The following AVL9 variants were observed in gnomAD, a reference collection of about 807,000 sequenced individuals.
AVL9 encodes AVL9 cell migration associated.
In AVL9, 49 loss-of-function variants were observed where a neutral mutation model predicts 79.2. That is an observed-to-expected ratio of 0.62 (90% CI 0.49 to 0.79). The LOEUF (loss-of-function observed/expected upper bound fraction) is 0.79. Ranked by LOEUF, AVL9 falls within the 30% of genes least tolerant of loss-of-function variation. AVL9 has a pLI of 0.00. For synonymous variants in AVL9, 299 were observed against 280.6 expected (o/e 1.07, Z -0.65); for missense variants, 682 against 776.8 (o/e 0.88, Z 1.45).
intron 1 of AVL9, among the ~76,000 whole-genome samples, chr7:32,496,870 A>G (rs550626515): frequency 1.1e-4 from 17 of 152,374 alleles, no homozygotes; most frequent in African/African-American, 4.1e-4. Flanking sequence ...AGAGACTGAT[A>G]TGAAAGGCTC....
intron 1 of AVL9, among the ~76,000 whole-genome samples, chr7:32,540,874 T>C (rs1448440070): frequency 7.0e-4 from 2 of 2,844 alleles, no homozygotes; most frequent in Non-Finnish European, 1.8e-3. Flanking sequence ...TGTACTACTT[T>C]TTTTTTTTTT....
At chr7:32,563,154 C>T (rs1396011473) in intron 10 of AVL9, among the ~76,000 whole-genome samples, 1 of 152,068 alleles carries the variant, frequency 6.6e-6, no homozygotes, top group East Asian at 1.9e-4. Flanking sequence ...GCCTCAGCCT[C>T]CCTAGTAGCT....
rs200639479 is a variant in AVL9 at position 32,566,180 on chromosome 7, A to ATTTTTTTTTTTTTT, written c.1216-3828_1216-3827insTTTTTTTTTTTTTT. On this transcript the variant is annotated intron_variant, in intron 10 of 15. Transcript: ENST00000318709. ...TAAAAAAATTTTAATTATTATTATT[A>ATTTTTTTTTTTTTT]TTTTTTTTTTTTGGAGACAAGGTCT... Among the ~76,000 whole-genome samples, 2 of 93,878 alleles carry ATTTTTTTTTTTTTT rather than the reference A, an allele frequency of 2.1e-5. 1 individual carries two copies. The highest frequency in any genetic ancestry group is 8.3e-5 in the African/African-American group (2 of 24,064). 61.6% of individuals were successfully genotyped at this position (93,878 alleles called of 152,430 possible).
In AVL9 at chr7:32,586,918, AT is replaced by A. The variant is rs1321770024; in HGVS notation, c.*3013del. On this transcript the variant is annotated 3_prime_UTR_variant, in exon 16 of 16. Transcript: ENST00000318709. ...GCATGTCCAAAGAAGGCTTAGAATG[AT>A]TGTGCATATGCAGTTGGCTCACATA... 1 of 152,204 alleles carries A rather than the reference AT, an allele frequency of 6.6e-6. No individual in the cohort carries two copies. Among genetic ancestry groups the A allele is most frequent in the African/African-American group, 2.4e-5 (1 of 41,436 alleles). 9.4% of individuals were successfully genotyped at this position (152,204 alleles called of 1,614,324 possible).
chr7:32,509,703 T>C (rs988461859), intron 1 of AVL9, among the ~76,000 whole-genome samples: 2 of 151,944 alleles, frequency 1.3e-5, no homozygotes, highest in African/African-American at 4.8e-5. Context: ...TACAAAAAAT[T>C]AGCCAGGCGT....
chr7:32,517,741 G>T (rs188481575), intron 1 of AVL9, among the ~76,000 whole-genome samples: 6 of 151,544 alleles, frequency 4.0e-5, no homozygotes, highest in African/African-American at 1.2e-4. Flanking sequence ...ATACTATAAG[G>T]TGTCAAAATT....
At chr7:32,554,349 A>G (rs1789967225) in intron 7 of AVL9, among the ~76,000 whole-genome samples, 1 of 152,192 alleles carries the variant, frequency 6.6e-6, no homozygotes, top group Non-Finnish European at 1.5e-5. Flanking sequence ...TTCAAGAAAA[A>G]ATAATTTCAG....
chr7:32,542,322 C>A (rs1382181167), intron 1 of AVL9, among the ~76,000 whole-genome samples: 1 of 146,698 alleles, frequency 6.8e-6, no homozygotes, highest in Non-Finnish European at 1.5e-5. Context: ...GGCGGATTAC[C>A]TTAGGTCAGG....
chr7:32,498,349 A>G (rs1049015285), intron 1 of AVL9, among the ~76,000 whole-genome samples: 3 of 148,694 alleles, frequency 2.0e-5, no homozygotes, highest in African/African-American at 5.0e-5. Context: ...CCTGGGTTCA[A>G]GTGATTCTCC....
chr7:32,498,784 C>G (rs1786980941), intron 1 of AVL9, among the ~76,000 whole-genome samples: 1 of 151,594 alleles, frequency 6.6e-6, no homozygotes, highest in South Asian at 2.1e-4. Flanking sequence ...AATATTTACT[C>G]ATTTCAACTT....
intron 1 of AVL9, among the ~76,000 whole-genome samples, chr7:32,510,151 C>T (rs901280028): frequency 6.6e-6 from 1 of 151,806 alleles, no homozygotes; most frequent in African/African-American, 2.4e-5. Flanking sequence ...GTCCACAGTC[C>T]TGGCACTTCT....
rs1791712983 is a variant in AVL9 at position 32,585,025 on chromosome 7, C to T, written c.*1118C>T. ...CCTCAAGTGATCTGCCCGCCTCAGC[C>T]TCTCAAAGTGCTGGGACTACAGGCA... On this transcript the variant is annotated 3_prime_UTR_variant, in exon 16 of 16. Transcript: ENST00000318709. 2 of 152,288 alleles carry T rather than the reference C, an allele frequency of 1.3e-5. No homozygotes were observed. The highest frequency in any genetic ancestry group is 4.8e-5 in the African/African-American group (2 of 41,436). 9.4% of individuals were successfully genotyped at this position (152,288 alleles called of 1,614,324 possible). A position where few individuals can be genotyped will look rare whatever the true frequency, so the allele number is the denominator to read the frequency against.
At chr7:32,516,695 G>A (rs1787913733) in intron 1 of AVL9, among the ~76,000 whole-genome samples, 1 of 150,874 alleles carries the variant, frequency 6.6e-6, no homozygotes, top group African/African-American at 2.4e-5. Flanking sequence ...AAATGACTCA[G>A]TGGATAACAC....
chr7:32,525,436 T>A (rs1562765008), intron 1 of AVL9, among the ~76,000 whole-genome samples: 1 of 152,200 alleles, frequency 6.6e-6, no homozygotes, highest in Non-Finnish European at 1.5e-5. Flanking sequence ...TTTATGTAAA[T>A]CATCAGGCAA....
intron 10 of AVL9, among the ~76,000 whole-genome samples, chr7:32,563,289 C>T (rs1562791077): frequency 6.6e-6 from 1 of 152,070 alleles, no homozygotes; most frequent in Admixed American, 6.6e-5. Context: ...ACCTTGGCCT[C>T]CCAAAGTGCT....
intron 1 of AVL9, among the ~76,000 whole-genome samples, chr7:32,503,590 A>G (rs1261083052): frequency 6.7e-6 from 1 of 149,878 alleles, no homozygotes; most frequent in African/African-American, 2.4e-5. Flanking sequence ...GATTTGAAAT[A>G]TGGCACTCTG....
intron 1 of AVL9, among the ~76,000 whole-genome samples, chr7:32,526,708 GAA>G (rs1562765755): frequency 6.6e-6 from 1 of 151,980 alleles, no homozygotes; most frequent in Non-Finnish European, 1.5e-5. Flanking sequence ...GGAGGAAAAA[GAA>G]AAAAGAGACA....
At chr7:32,540,897 TTTTTTTTTTTTTTTTTTTTG>T in intron 1 of AVL9, among the ~76,000 whole-genome samples, 1 of 54,594 alleles carries the variant, frequency 1.8e-5, no homozygotes, top group African/African-American at 1.0e-4. Context: ...TTTTTTTTTT[TTTTTTTTTTTTTTTTTTTTG>T]AGACGGAGTC....
intron 1 of AVL9, among the ~76,000 whole-genome samples, chr7:32,503,891 C>T (rs1006890564): frequency 2.0e-5 from 3 of 152,142 alleles, no homozygotes; most frequent in Admixed American, 6.5e-5. Flanking sequence ...CCCTGTTGGC[C>T]AGGCAGGTCT....
Sources: allele counts gnomAD v4.1 joint callset (sites outside exome capture counted in the v4.1 genomes callset), GRCh38; gene constraint gnomAD v4.1.1; transcripts MANE v1.5; gene names NCBI Gene and HGNC (gene_info 2026-07-23, HGNC 2026-07-21).